Variants in FRMD3 observed in about 807,000 individuals in gnomAD.
FRMD3 encodes FERM domain-containing protein 3.
Under a neutral mutation model 70.2 loss-of-function variants are expected in FRMD3, and 33 were observed. That is an observed-to-expected ratio of 0.47 (90% confidence interval 0.36 to 0.63). The LOEUF (loss-of-function observed/expected upper bound fraction) is 0.63. Among genes scored for constraint, FRMD3 ranks in the 20% least tolerant of loss-of-function variants. The pLI is 0.00. For missense variants in FRMD3, 632 were observed against 711.4 expected, an observed-to-expected ratio of 0.89 and a Z score of 1.27; for synonymous variants, 279 against 255.9, an observed-to-expected ratio of 1.09 and a Z score of -0.86.
intron 1 of FRMD3, among the ~76,000 whole-genome samples, chr9:83,419,995 G>A (rs953354090): frequency 6.6e-6 from 1 of 152,164 alleles, no homozygotes. Context: ...ATGTTGCCTG[G>A]AAGTAAAGAT....
chr9:83,461,035 G>C (rs542653218), intron 1 of FRMD3, among the ~76,000 whole-genome samples: 1 of 152,164 alleles, frequency 6.6e-6, no homozygotes, highest in East Asian at 1.9e-4. Flanking sequence ...TGCACCAATA[G>C]GGTCAGAGGA....
chr9:83,508,908 A>C (rs972326071), intron 1 of FRMD3, among the ~76,000 whole-genome samples: 3 of 152,126 alleles, frequency 2.0e-5, no homozygotes, highest in African/African-American at 7.2e-5. Context: ...CTGTTACAGA[A>C]AAAGCTTGCC....
At chr9:83,356,521 C>G (rs1824349971) in intron 3 of FRMD3, among the ~76,000 whole-genome samples, 1 of 151,704 alleles carries the variant, frequency 6.6e-6, no homozygotes, top group Non-Finnish European at 1.5e-5. Context: ...CGTGATCCGC[C>G]CACCTCGGCC....
At chr9:83,555,675 A>T in the FRMD3 span, among the ~76,000 whole-genome samples, 1 of 152,162 alleles carries the variant, frequency 6.6e-6, no homozygotes, top group Non-Finnish European at 1.5e-5. Context: ...CCTCTTTCCT[A>T]TGGGTAGGTA....
At chr9:83,416,777 C>G (rs996720715) in intron 1 of FRMD3, among the ~76,000 whole-genome samples, 2 of 128,912 alleles carry the variant, frequency 1.6e-5, no homozygotes, top group African/African-American at 6.6e-5. Context: ...CTCTCTCTCT[C>G]TCTCTCTCTC....
chr9:83,294,498 C>A (rs538440084), intron 12 of FRMD3, among the ~76,000 whole-genome samples: 1 of 152,312 alleles, frequency 6.6e-6, no homozygotes, highest in African/African-American at 2.4e-5. Flanking sequence ...CCCGCCAGCC[C>A]AATTGAACTA....
chr9:83,545,346 G>GTTT, the FRMD3 span, among the ~76,000 whole-genome samples: 4 of 117,292 alleles, frequency 3.4e-5, no homozygotes, highest in Non-Finnish European at 5.4e-5. Context: ...GAAAAGTGTT[G>GTTT]TTTTTTTTTG....
chr9:83,248,145 G>T lies in FRMD3; in HGVS notation c.1567C>A (p.Pro523Thr). 6.2e-7 allele frequency: 1 copy of T among 1,614,142 alleles called. No homozygotes were observed. Among genetic ancestry groups the T allele is most frequent in the Non-Finnish European group, 8.5e-7 (1 of 1,180,028 alleles). ...DILTGHIRVNPLVKSFSRLLV... is the reference protein window; with the variant it reads ...DILTGHIRVNTLVKSFSRLLV... ...AGCCTGGAAAAACTCTTGACCAGTGGGTTCACCCGAATATGGCCAGTCAGA... is the reference window on the plus strand; with the variant it reads ...AGCCTGGAAAAACTCTTGACCAGTGTGTTCACCCGAATATGGCCAGTCAGA... Residue 523 changes from proline (P) to threonine (T), a missense_variant, in exon 14 of 14, where the codon CCA (proline) becomes ACA (threonine). By Grantham distance (38) the Pro-to-Thr change is conservative (BLOSUM62 -1). Transcript: ENST00000304195.
chr9:83,311,325 G>C (rs1214249605), intron 8 of FRMD3, among the ~76,000 whole-genome samples: 1 of 151,280 alleles, frequency 6.6e-6, no homozygotes, highest in African/African-American at 2.4e-5. Context: ...AATCCTTCCC[G>C]GCATTTAAGT....
rs769156576 is a variant in FRMD3, at chr9:83,248,236, G to T, written c.1476C>A (p.Ala492=). The T allele has an allele frequency of 1.9e-6, 3 of 1,614,056 alleles. No homozygotes were observed. Among genetic ancestry groups the T allele is most frequent in the African/African-American group, 2.7e-5 (2 of 74,912 alleles). ...SFEDLEADEN[A]FLIAEEEELK... ...GCTCCTCTTCTTCAGCAATCAAAAAGGCGTTTTCATCTGCTTCCAGATCCT... is the reference window on the plus strand; with the variant it reads ...GCTCCTCTTCTTCAGCAATCAAAAATGCGTTTTCATCTGCTTCCAGATCCT... Residue 492 remains alanine, a synonymous_variant, in exon 14 of 14, where the codon GCC becomes GCA. Coordinates refer to ENST00000304195, the MANE Select transcript of FRMD3 (RefSeq NM_174938.6).
chr9:83,250,524 GGC>G (rs1436175550), intron 13 of FRMD3, among the ~76,000 whole-genome samples: 1 of 152,184 alleles, frequency 6.6e-6, no homozygotes, highest in Non-Finnish European at 1.5e-5. Context: ...CCACTTCCAT[GGC>G]ACCTCACAAG....
intron 1 of FRMD3, among the ~76,000 whole-genome samples, chr9:83,515,758 A>G (rs1190984706): frequency 6.6e-6 from 1 of 152,244 alleles, no homozygotes; most frequent in Non-Finnish European, 1.5e-5. Context: ...CCATCAGACT[A>G]ACAGTGGATT....
chr9:83,437,599 T>C (rs1242009091), intron 1 of FRMD3, among the ~76,000 whole-genome samples: 1 of 152,200 alleles, frequency 6.6e-6, no homozygotes, highest in Non-Finnish European at 1.5e-5. Flanking sequence ...ATTTGGCTCA[T>C]ATAGTTGTCA....
chr9:83,552,972 A>G, the FRMD3 span, among the ~76,000 whole-genome samples: 1 of 152,068 alleles, frequency 6.6e-6, no homozygotes, highest in Non-Finnish European at 1.5e-5. Flanking sequence ...GAGACAATTA[A>G]CCCATTTACA....
At chr9:83,567,339 T>C in the FRMD3 span, among the ~76,000 whole-genome samples, 1 of 152,136 alleles carries the variant, frequency 6.6e-6, no homozygotes, top group African/African-American at 2.4e-5. Context: ...AAAACCACTT[T>C]TTCCTCCTAG....
chr9:83,533,355 C>A (rs1189376044), intron 1 of FRMD3, among the ~76,000 whole-genome samples: 5 of 152,164 alleles, frequency 3.3e-5, no homozygotes, highest in African/African-American at 9.7e-5. Context: ...ACGTACACTA[C>A]CACTTTGTCA....
At chr9:83,381,739 C>G (rs1203277695) in intron 2 of FRMD3, among the ~76,000 whole-genome samples, 3 of 152,146 alleles carry the variant, frequency 2.0e-5, no homozygotes, top group South Asian at 2.1e-4. Context: ...GCATTTGTGT[C>G]CCTTCATCCA....
intron 1 of FRMD3, among the ~76,000 whole-genome samples, chr9:83,427,661 T>TTA (rs999209994): frequency 5.9e-5 from 9 of 152,014 alleles, no homozygotes; most frequent in Admixed American, 1.3e-4. Context: ...ATATAAGTAT[T>TTA]TATATATATA....
chr9:83,261,723 T>G (rs1833005109), intron 13 of FRMD3, among the ~76,000 whole-genome samples: 1 of 152,160 alleles, frequency 6.6e-6, no homozygotes, highest in Non-Finnish European at 1.5e-5. Context: ...GAAAAGAGTG[T>G]TCCATGGTCA....
Sources: allele counts gnomAD v4.1 joint callset (sites outside exome capture counted in the v4.1 genomes callset), GRCh38; gene constraint gnomAD v4.1.1; transcripts MANE v1.5; gene names NCBI Gene and HGNC (gene_info 2026-07-23, HGNC 2026-07-21).